DPP6: variants seen among roughly 807,000 people sequenced by gnomAD.
DPP6 encodes A-type potassium channel modulatory protein DPP6.
In DPP6, 69 loss-of-function variants were observed where a neutral mutation model predicts 122.6. The observed-to-expected ratio is 0.56, with a 90% CI of 0.46 to 0.69. DPP6 has a LOEUF of 0.69. Among genes scored for constraint, DPP6 ranks in the 30% least tolerant of loss-of-function variants. DPP6 has a pLI of 0.00. For missense variants in DPP6, 928 were observed against 1,116.9 expected (o/e 0.83, Z 2.41); for synonymous variants, 418 against 433.1 (o/e 0.97, Z 0.43).
intron 1 of DPP6, among the ~76,000 whole-genome samples, chr7:153,967,586 G>A (rs1017025542): frequency 2.6e-5 from 4 of 152,072 alleles, no homozygotes; most frequent in South Asian, 2.1e-4. Flanking sequence ...CTGGCTCGTC[G>A]AACACAGGGC....
At chr7:154,147,465 CCTTCCTTCCTTCCTTCCTTCCTTCCTTT>C (rs1796154818) in intron 1 of DPP6, among the ~76,000 whole-genome samples, 1 of 137,940 alleles carries the variant, frequency 7.2e-6, no homozygotes, top group African/African-American at 3.3e-5. Flanking sequence ...TTCCTTCCTT[CCTTCCTTCCTTCCTTCCTTCCTTCCTTT>C]CTTTTTCTGT....
chr7:154,452,301 C>A (rs1820451905), intron 2 of DPP6, among the ~76,000 whole-genome samples: 1 of 152,286 alleles, frequency 6.6e-6, no homozygotes, highest in South Asian at 2.1e-4. Context: ...GTGGTGGAGG[C>A]CTGTTGAGTT....
At chr7:154,451,397 G>C (rs1820361593) in intron 2 of DPP6, among the ~76,000 whole-genome samples, 1 of 148,320 alleles carries the variant, frequency 6.7e-6, no homozygotes, top group Admixed American at 6.7e-5. Flanking sequence ...TTAAATGGCT[G>C]CCCGGAGCTT....
intron 5 of DPP6, among the ~76,000 whole-genome samples, chr7:154,621,607 T>C (rs1208801539): frequency 6.6e-6 from 1 of 152,210 alleles, no homozygotes; most frequent in East Asian, 1.9e-4. Flanking sequence ...CCTCAGGTGA[T>C]CCGCCCACCT....
intron 7 of DPP6, among the ~76,000 whole-genome samples, chr7:154,681,053 T>C (rs1052002959): frequency 6.6e-6 from 1 of 152,082 alleles, no homozygotes; most frequent in Non-Finnish European, 1.5e-5. Flanking sequence ...AGGACTATAG[T>C]CAATAATAAT....
chr7:153,870,673 C>T, the DPP6 span, among the ~76,000 whole-genome samples: 1 of 152,224 alleles, frequency 6.6e-6, no homozygotes, highest in South Asian at 2.1e-4. Flanking sequence ...CTCCATCCAG[C>T]TCTGTTCCGT....
At chr7:154,281,607 C>G (rs748540956) in intron 1 of DPP6, among the ~76,000 whole-genome samples, 1 of 152,146 alleles carries the variant, frequency 6.6e-6, no homozygotes, top group Admixed American at 6.5e-5. Flanking sequence ...AGATTTACCA[C>G]CACTGACTAT....
chr7:153,885,005 T>C (rs866640828), upstream of DPP6, among the ~76,000 whole-genome samples: 293 of 145,362 alleles, frequency 2.0e-3, 6 homozygotes, highest in Admixed American at 5.9e-3. Flanking sequence ...TATATATATA[T>C]ATATATATAT....
At chr7:154,791,799 G>A (rs919174003) in intron 10 of DPP6, among the ~76,000 whole-genome samples, 6 of 152,230 alleles carry the variant, frequency 3.9e-5, no homozygotes, top group African/African-American at 4.8e-5. Context: ...TGCTGTTGAT[G>A]CTGCACACCC....
At chr7:153,887,520 G>T in exon 1 of DPP6, 1 of 688,708 alleles carries the variant, frequency 1.5e-6, no homozygotes, top group Non-Finnish European at 2.6e-6. Context: ...CACGGGCAGG[G>T]GTGCGCGGAG....
At chr7:154,074,576 C>T (rs1803420865) in intron 1 of DPP6, among the ~76,000 whole-genome samples, 1 of 152,178 alleles carries the variant, frequency 6.6e-6, no homozygotes, top group Non-Finnish European at 1.5e-5. Flanking sequence ...TTAATCTTTG[C>T]AGCTGTCCAT....
intron 5 of DPP6, among the ~76,000 whole-genome samples, chr7:154,621,094 GTTTCCCAATGCTAGTCAACT>G (rs1339342469): frequency 2.0e-5 from 3 of 152,168 alleles, no homozygotes; most frequent in Non-Finnish European, 4.4e-5. Context: ...AAGAGTTCCT[GTTTCCCAATGCTAGTCAACT>G]CTGAACCTGA....
In DPP6 at chr7:154,541,943, A is replaced by G. The variant is rs183944812; in HGVS notation, c.552+1317A>G. Reference sequence around the variant, plus strand: ...CCCAGGGAGAAGGAAGGATGGCTTCATCTTTACCCTACCCCATCCCCAGAT... The same window carrying G: ...CCCAGGGAGAAGGAAGGATGGCTTCGTCTTTACCCTACCCCATCCCCAGAT... On this transcript the variant is annotated intron_variant, in intron 4 of 25. Coordinates refer to ENST00000377770, the MANE Select transcript of DPP6 (RefSeq NM_130797.4). Among the ~76,000 whole-genome samples, 196 of 152,312 alleles carry G rather than the reference A, an allele frequency of 1.3e-3. 3 individuals carry two copies. The highest frequency in any genetic ancestry group is 6.9e-3 in the East Asian group (36 of 5,188).
rs575268603 is a variant in DPP6, at chr7:154,832,938, G to A, written c.1667-20842G>A. On this transcript the variant is annotated intron_variant, in intron 16 of 25. Coordinates refer to ENST00000377770, the MANE Select transcript of DPP6 (RefSeq NM_130797.4). ...CTACCCTGTGGGGACACAGAGAATC[G>A]AGCCCTCCAGTTCGAGAAGTCTTTC... 1.1e-3 allele frequency among the ~76,000 whole-genome samples: 163 copies of A among 152,320 alleles called. 2 individuals are homozygous for A. The highest frequency in any genetic ancestry group is 3.4e-3 in the Middle Eastern group (1 of 294).
rs1168849728 is a variant in DPP6, at chr7:154,294,229, G to A, written c.244-151985G>A. 2.0e-5 allele frequency among the ~76,000 whole-genome samples: 3 copies of A among 152,180 alleles called. No individual in the cohort carries two copies. In the South Asian group the frequency reaches 6.2e-4, roughly 32 times the overall value. ...CTAAGGTAACAAGCACTTCCCATAA[G>A]CCTGGGGTAGGAGGTGACATTTGCA... is the stretch of plus-strand genomic sequence containing the variant. On this transcript the variant is annotated intron_variant, in intron 1 of 25. Coordinates refer to ENST00000377770, the MANE Select transcript of DPP6 (RefSeq NM_130797.4).
At chr7:154,093,325 C>A (rs1461556013) in intron 1 of DPP6, among the ~76,000 whole-genome samples, 2 of 145,982 alleles carry the variant, frequency 1.4e-5, no homozygotes, top group Admixed American at 6.9e-5. Flanking sequence ...GCCACACAAC[C>A]TACACACCAC....
chr7:154,862,919 G>T (rs1803533623), intron 17 of DPP6, among the ~76,000 whole-genome samples: 1 of 152,246 alleles, frequency 6.6e-6, no homozygotes, highest in Non-Finnish European at 1.5e-5. Flanking sequence ...TCAGAGAAAA[G>T]AGGCTGGGTG....
intron 1 of DPP6, among the ~76,000 whole-genome samples, chr7:154,079,837 A>G (rs1267288400): frequency 2.6e-5 from 4 of 151,768 alleles, no homozygotes; most frequent in Non-Finnish European, 5.9e-5. Flanking sequence ...TCTAGTATTT[A>G]CAACTGCACG....
chr7:154,788,637 C>T (rs13244559), intron 10 of DPP6, among the ~76,000 whole-genome samples: 56,460 of 152,026 alleles, frequency 0.37, 10,660 homozygotes, highest in South Asian at 0.41. Flanking sequence ...TCGGTTTTCC[C>T]ATAACTCAAA....
Sources: allele counts gnomAD v4.1 joint callset (sites outside exome capture counted in the v4.1 genomes callset), GRCh38; gene constraint gnomAD v4.1.1; transcripts MANE v1.5; gene names NCBI Gene and HGNC (gene_info 2026-07-23, HGNC 2026-07-21).